FER1L6: variants seen among roughly 807,000 people sequenced by gnomAD.
The protein encoded by FER1L6 is fer-1 like family member 6, also known as fer-1-like protein 6.
Under a neutral mutation model 219.2 loss-of-function variants are expected in FER1L6, and 177 were observed. The ratio of observed to expected loss-of-function variants is 0.81; its 90% CI spans 0.71 to 0.91. The LOEUF (loss-of-function observed/expected upper bound fraction) is 0.91. FER1L6 is among the 40% of genes least tolerant of loss of function. The probability of loss-of-function intolerance (pLI) is 0.00; values close to 1 mark genes in which losing one functional copy is unlikely to be tolerated. For synonymous variants in FER1L6, 768 were observed against 824.3 expected (o/e 0.93, Z 1.17); for missense variants, 2,153 against 2,259.9 (o/e 0.95, Z 0.96).
chr8:124,115,898 GTGCTATGCTATGCCATGCCA>G (rs372651715), intron 39 of FER1L6, among the ~76,000 whole-genome samples: 76 of 152,250 alleles, frequency 5.0e-4, no homozygotes, highest in African/African-American at 1.8e-3. Flanking sequence ...TATATGTGTT[GTGCTATGCTATGCCATGCCA>G]TGCTATGCTA....
At chr8:123,980,915 TC>T in intron 11 of FER1L6, 104 bp downstream of exon 11, 1 of 1,016,890 alleles carries the variant, frequency 9.8e-7, no homozygotes, top group Middle Eastern at 2.6e-4. Context: ...TATGTCTTAT[TC>T]CCTCTGAAAA....
chr8:123,912,890 A>G (rs1813081132), intron 1 of FER1L6, among the ~76,000 whole-genome samples: 1 of 152,208 alleles, frequency 6.6e-6, no homozygotes, highest in Non-Finnish European at 1.5e-5. Context: ...CAAGAGCAAT[A>G]CAGGGTATGG....
intron 12 of FER1L6, among the ~76,000 whole-genome samples, chr8:123,987,574 G>T (rs376070599): frequency 1.3e-5 from 2 of 152,156 alleles, no homozygotes; most frequent in Admixed American, 1.3e-4. Flanking sequence ...TGCTTGTGGT[G>T]TATTACTCAA....
rs78018963 is a variant in FER1L6, at chr8:124,069,662, C to T, written c.3834+187C>T. 9.8e-4 allele frequency among the ~76,000 whole-genome samples: 150 copies of T among 152,296 alleles called. 2 individuals carry two copies. In the East Asian group the frequency reaches 0.017, roughly 17 times the overall value. ...CAGGAAGCTTGTTCATTTTCCATTT[C>T]CTATACCCTCATATTGAGAAGGGGT... On this transcript the variant is annotated intron_variant, in intron 29 of 40. Coordinates refer to ENST00000522917, the MANE Select transcript of FER1L6 (RefSeq NM_001039112.2).
chr8:123,892,512 C>T (rs917395008), intron 1 of FER1L6, among the ~76,000 whole-genome samples: 7 of 152,188 alleles, frequency 4.6e-5, no homozygotes, highest in Middle Eastern at 3.4e-3. Context: ...AGGCTGGTTG[C>T]GAACTCCTGA....
chr8:123,979,561 G>A (rs1201868967), intron 10 of FER1L6, among the ~76,000 whole-genome samples: 1 of 152,154 alleles, frequency 6.6e-6, no homozygotes, highest in Non-Finnish European at 1.5e-5. Context: ...TGTTCCCATA[G>A]ACACTGCATT....
chr8:124,099,440 C>A (rs1001699980), intron 37 of FER1L6, among the ~76,000 whole-genome samples: 10 of 152,292 alleles, frequency 6.6e-5, no homozygotes, highest in Middle Eastern at 3.4e-3. Flanking sequence ...TCACTGACTT[C>A]CCCATTTCTA....
At chr8:123,930,590 G>A (rs1813729905) in intron 1 of FER1L6, among the ~76,000 whole-genome samples, 1 of 152,140 alleles carries the variant, frequency 6.6e-6, no homozygotes, top group African/African-American at 2.4e-5. Context: ...CTAATCTCCT[G>A]TGCTCAGGGA....
chr8:123,867,357 A>C (rs1449713572), intron 1 of FER1L6, among the ~76,000 whole-genome samples: 1 of 152,184 alleles, frequency 6.6e-6, no homozygotes, highest in Non-Finnish European at 1.5e-5. Flanking sequence ...TTTTGTAGGG[A>C]TGTCAAAGTC....
chr8:123,897,751 T>C (rs1441539383), intron 1 of FER1L6, among the ~76,000 whole-genome samples: 1 of 152,224 alleles, frequency 6.6e-6, no homozygotes, highest in African/African-American at 2.4e-5. Context: ...TGTGTTTTCT[T>C]CATTTTAACA....
At chr8:124,013,085 C>T (rs1048066844) in intron 14 of FER1L6, among the ~76,000 whole-genome samples, 1 of 152,106 alleles carries the variant, frequency 6.6e-6, no homozygotes, top group African/African-American at 2.4e-5. Context: ...GTAATTATAT[C>T]TAATTACTCT....
rs913484360 is a variant in FER1L6 at position 123,998,280 on chromosome 8, A to G, written c.1520-4887A>G. 2.0e-5 allele frequency among the ~76,000 whole-genome samples: 3 copies of G among 150,704 alleles called. No individual in the cohort carries two copies. The Admixed American group carries it at 2.0e-4, about 10-fold the overall frequency. ...GTGGCTCTTGCAGAGTTGTAGAGGT[A>G]CTGCCTTGGTGATCTTGGGTAAGAT... On this transcript the variant is annotated intron_variant, in intron 12 of 40. Coordinates refer to ENST00000522917, the MANE Select transcript of FER1L6 (RefSeq NM_001039112.2).
intron 1 of FER1L6, among the ~76,000 whole-genome samples, chr8:123,877,913 C>T (rs1018733539): frequency 3.3e-5 from 5 of 151,874 alleles, no homozygotes; most frequent in South Asian, 4.2e-4. Flanking sequence ...GTCGATTTAT[C>T]GTTCTAAATA....
intron 20 of FER1L6, among the ~76,000 whole-genome samples, chr8:124,043,665 C>T (rs59661530): frequency 0.011 from 1,611 of 152,122 alleles, 39 homozygotes; most frequent in African/African-American, 0.034. Flanking sequence ...TGAGGCAGTG[C>T]AGCTCCAGAG....
At chr8:124,075,657 G>A (rs1172124426) in intron 31 of FER1L6, among the ~76,000 whole-genome samples, 1 of 152,096 alleles carries the variant, frequency 6.6e-6, no homozygotes, top group Non-Finnish European at 1.5e-5. Context: ...TTATATGACT[G>A]TTAGCACAGT....
intron 5 of FER1L6, among the ~76,000 whole-genome samples, chr8:123,969,640 G>T (rs1815705413): frequency 1.3e-5 from 2 of 152,018 alleles, no homozygotes; most frequent in African/African-American, 4.8e-5. Context: ...GAATGTGATT[G>T]ATAGCATTGT....
intron 18 of FER1L6, among the ~76,000 whole-genome samples, chr8:124,025,517 A>C (rs899363095): frequency 6.6e-6 from 1 of 152,138 alleles, no homozygotes; most frequent in Admixed American, 6.6e-5. Context: ...TAGGTTCTCT[A>C]TTCTATTCCA....
chr8:124,060,174 CGGT>C lies in FER1L6; in HGVS notation c.2875-5_2875-3del. ...GCATCTAACTCATACTTGCCTTGTGCGGTAGGTTCCTCCTTCTGGGCTGCAAGG... is the reference window on the plus strand; with the variant it reads ...GCATCTAACTCATACTTGCCTTGTGCAGGTTCCTCCTTCTGGGCTGCAAGG... On this transcript the variant is annotated splice_polypyrimidine_tract_variant and splice_region_variant and intron_variant, in intron 22 of 40. Transcript: ENST00000522917. The C allele has an allele frequency of 1.9e-6, 3 of 1,608,860 alleles. No homozygotes were observed. The highest frequency in any genetic ancestry group is 2.6e-6 in the Non-Finnish European group (3 of 1,175,306).
At chr8:124,067,610 T>G (rs1820881593) in intron 27 of FER1L6, among the ~76,000 whole-genome samples, 157 bp from the exon 28 acceptor site, 1 of 152,156 alleles carries the variant, frequency 6.6e-6, no homozygotes, top group South Asian at 2.1e-4. Flanking sequence ...CCCCCAGATC[T>G]TTACAGTGCG....
Sources: allele counts gnomAD v4.1 joint callset (sites outside exome capture counted in the v4.1 genomes callset), GRCh38; gene constraint gnomAD v4.1.1; transcripts MANE v1.5; gene names NCBI Gene and HGNC (gene_info 2026-07-23, HGNC 2026-07-21).